LIMA1: variants seen among roughly 807,000 people sequenced by gnomAD.
The protein encoded by LIMA1 is LIM domain and actin-binding protein 1.
Under a neutral mutation model 62.6 loss-of-function variants are expected in LIMA1, and 52 were observed. The ratio of observed to expected loss-of-function variants is 0.83; its 90% CI spans 0.67 to 1.05. The LOEUF is 1.05. LIMA1 is among the 50% of genes least tolerant of loss of function. The pLI is 0.00. For missense variants in LIMA1, 780 were observed against 902.2 expected (o/e 0.86, Z 1.74); for synonymous variants, 302 against 317.8 (o/e 0.95, Z 0.53).
chr12:50,211,985 T>A (rs1175263130), intron 4 of LIMA1, among the ~76,000 whole-genome samples: 1 of 152,102 alleles, frequency 6.6e-6, no homozygotes, highest in Non-Finnish European at 1.5e-5. Flanking sequence ...CACCCTGAAG[T>A]CCTCCTTCCT....
At chr12:50,281,909 G>T (rs1214473876) in intron 1 of LIMA1, among the ~76,000 whole-genome samples, 1 of 152,176 alleles carries the variant, frequency 6.6e-6, no homozygotes, top group African/African-American at 2.4e-5. Flanking sequence ...ACCATAAATT[G>T]TATGTGGATC....
chr12:50,241,531 T>C (rs961090947), intron 2 of LIMA1, among the ~76,000 whole-genome samples: 3 of 152,302 alleles, frequency 2.0e-5, no homozygotes, highest in Admixed American at 6.5e-5. Context: ...CCTTTTAGCA[T>C]GGAGGCATCT....
intron 4 of LIMA1, among the ~76,000 whole-genome samples, chr12:50,208,447 C>T (rs1299370231): frequency 2.0e-5 from 3 of 152,162 alleles, no homozygotes; most frequent in African/African-American, 4.8e-5. Context: ...GATCAGGCCA[C>T]TGCACTCCAG....
At chr12:50,281,260 T>G (rs1942336495) in intron 1 of LIMA1, among the ~76,000 whole-genome samples, 2 of 152,114 alleles carry the variant, frequency 1.3e-5, no homozygotes, top group African/African-American at 4.8e-5. Context: ...ATTTGAAACC[T>G]GAAGAAACAC....
rs140512210 is a variant in LIMA1 at position 50,248,521 on chromosome 12, G to A, written c.119+112C>T. The A allele has an allele frequency of 7.8e-3, 5,570 of 714,978 alleles. 38 individuals carry two copies. Among genetic ancestry groups the A allele is most frequent in the Non-Finnish European group, 0.011 (4,162 of 395,390 alleles). 44.3% of individuals were successfully genotyped at this position (714,978 alleles called of 1,614,324 possible). ...ACCTCATATAGTGTTTAAAATCCACGAGGCGCCCAATAAAATTATTTTACA... is the reference window on the plus strand; with the variant it reads ...ACCTCATATAGTGTTTAAAATCCACAAGGCGCCCAATAAAATTATTTTACA... On this transcript the variant is annotated intron_variant, in intron 2 of 10. Coordinates refer to ENST00000341247, the MANE Select transcript of LIMA1 (RefSeq NM_016357.5).
At chr12:50,183,256 G>A (rs1940547430) in intron 9 of LIMA1, among the ~76,000 whole-genome samples, 1 of 152,058 alleles carries the variant, frequency 6.6e-6, no homozygotes, top group Non-Finnish European at 1.5e-5. Flanking sequence ...GGAGTAGATG[G>A]GAATGCAAAG....
chr12:50,183,964 T>TA (rs1190190915), intron 9 of LIMA1, among the ~76,000 whole-genome samples: 2 of 151,954 alleles, frequency 1.3e-5, no homozygotes, highest in East Asian at 3.9e-4. Flanking sequence ...AAAATGTGCA[T>TA]AAAATGAAAA....
chr12:50,239,467 G>A (rs1774889099), intron 2 of LIMA1, among the ~76,000 whole-genome samples: 2 of 151,684 alleles, frequency 1.3e-5, no homozygotes, highest in African/African-American at 2.4e-5. Context: ...GAGAAACCTC[G>A]TCTCTATTAA....
chr12:50,214,482 C>G (rs946674124), intron 4 of LIMA1, among the ~76,000 whole-genome samples: 1 of 152,194 alleles, frequency 6.6e-6, no homozygotes, highest in Non-Finnish European at 1.5e-5. Flanking sequence ...AATACCTTTC[C>G]TCCCCAAACT....
At chr12:50,245,847 G>C (rs1039371743) in intron 2 of LIMA1, among the ~76,000 whole-genome samples, 4 of 152,084 alleles carry the variant, frequency 2.6e-5, no homozygotes, top group African/African-American at 7.2e-5. Flanking sequence ...TCAGAAGCAG[G>C]CATGAGAAAC....
chr12:50,189,758 C>G (rs1347975955), intron 9 of LIMA1: 1 of 152,288 alleles, frequency 6.6e-6, no homozygotes, highest in African/African-American at 2.4e-5. Context: ...GTTGCCCAGG[C>G]TGGAGTACAG....
intron 1 of LIMA1, among the ~76,000 whole-genome samples, chr12:50,262,536 G>A (rs1160514641): frequency 6.6e-6 from 1 of 151,952 alleles, no homozygotes; most frequent in Admixed American, 6.6e-5. Flanking sequence ...CACTTTGGGA[G>A]GCTGAGGAGA....
chr12:50,270,263 A>T (rs1592569444), intron 1 of LIMA1, among the ~76,000 whole-genome samples: 2 of 145,200 alleles, frequency 1.4e-5, no homozygotes, highest in East Asian at 4.1e-4. Flanking sequence ...AAAAAAAGGG[A>T]TAAAATTTTA....
At chr12:50,256,176 G>A (rs981270832) in intron 1 of LIMA1, 9 of 152,036 alleles carry the variant, frequency 5.9e-5, no homozygotes, top group African/African-American at 1.7e-4. Flanking sequence ...TTACAGGCGT[G>A]AGCCACCGTG....
intron 1 of LIMA1, among the ~76,000 whole-genome samples, chr12:50,276,109 G>A (rs1942273170): frequency 6.6e-6 from 1 of 151,564 alleles, no homozygotes; most frequent in African/African-American, 2.4e-5. Flanking sequence ...TAACTTTTCT[G>A]CAAGGGAAAA....
intron 4 of LIMA1, among the ~76,000 whole-genome samples, chr12:50,207,986 A>G (rs949848876): frequency 1.3e-5 from 2 of 152,062 alleles, no homozygotes; most frequent in Admixed American, 1.3e-4. Flanking sequence ...CAGAAATCAG[A>G]GCCAAGGATT....
intron 1 of LIMA1, among the ~76,000 whole-genome samples, chr12:50,282,769 A>G (rs1434944998): frequency 1.3e-5 from 2 of 152,224 alleles, no homozygotes; most frequent in African/African-American, 4.8e-5. Context: ...TAAGGAGGCT[A>G]GGAAGGGTGC....
intron 6 of LIMA1, chr12:50,201,373 A>G: frequency 1.0e-6 from 1 of 984,052 alleles, no homozygotes; most frequent in Non-Finnish European, 1.2e-6. Context: ...CTGAAATTAT[A>G]TTTAATGATA....
At chr12:50,227,237 C>CTTTTTTTTTTTTTT (rs199650468) in intron 3 of LIMA1, among the ~76,000 whole-genome samples, 165 of 123,954 alleles carry the variant, frequency 1.3e-3, no homozygotes, top group Non-Finnish European at 1.8e-3. Context: ...TTTTTCTTTT[C>CTTTTTTTTTTTTTT]TTTTTTTTTT....
Sources: gnomAD v4.1 joint callset for allele counts (sites outside exome capture counted in the v4.1 genomes callset) on GRCh38, gnomAD v4.1.1 for gene constraint, MANE v1.5 for transcripts, NCBI Gene and HGNC (gene_info 2026-07-23, HGNC 2026-07-21) for gene names.